Variants in RUNDC3B observed in about 807,000 individuals in gnomAD.
The protein encoded by RUNDC3B is RUN domain containing 3B.
RUNDC3B carries 33 observed loss-of-function variants against 58.4 expected under a neutral mutation model. The observed-to-expected ratio is 0.56, with a 90% CI of 0.43 to 0.75. The LOEUF (loss-of-function observed/expected upper bound fraction) is 0.75, where lower values mean the gene tolerates loss of function less well. Ranked by LOEUF, RUNDC3B falls within the 30% of genes least tolerant of loss-of-function variation. The pLI, the probability that RUNDC3B is intolerant of heterozygous loss-of-function variation, is 0.00. For missense variants in RUNDC3B, 501 were observed against 535.7 expected, an observed-to-expected ratio of 0.94 and a Z score of 0.64; for synonymous variants, 193 against 195.2, an observed-to-expected ratio of 0.99 and a Z score of 0.10.
chr7:87,689,605 T>C (rs28617521), intron 2 of RUNDC3B, among the ~76,000 whole-genome samples: 1 of 152,198 alleles, frequency 6.6e-6, no homozygotes, highest in African/African-American at 2.4e-5. Context: ...GCTAATCATC[T>C]AAAGAAAGTA....
At chr7:87,720,542 A>ATGTGTGTGTGTGTGTGTG (rs3028189) in intron 4 of RUNDC3B, among the ~76,000 whole-genome samples, 2 of 145,184 alleles carry the variant, frequency 1.4e-5, no homozygotes, top group Non-Finnish European at 3.0e-5. Context: ...GATAGGATAT[A>ATGTGTGTGTGTGTGTGTG]TGTGTGTGTG....
chr7:87,767,511 A>G (rs1433647259), intron 6 of RUNDC3B, among the ~76,000 whole-genome samples: 1 of 152,152 alleles, frequency 6.6e-6, no homozygotes, highest in Non-Finnish European at 1.5e-5. Context: ...GTAGCAATGT[A>G]TTGGTCATAT....
chr7:87,695,527 G>A (rs1483305968), intron 2 of RUNDC3B, among the ~76,000 whole-genome samples: 2 of 152,000 alleles, frequency 1.3e-5, no homozygotes, highest in African/African-American at 2.4e-5. Context: ...GGATTATCTT[G>A]TCTTTTGTTG....
At chr7:87,744,065 G>C (rs891310573) in intron 6 of RUNDC3B, among the ~76,000 whole-genome samples, 1 of 152,092 alleles carries the variant, frequency 6.6e-6, no homozygotes, top group Non-Finnish European at 1.5e-5. Flanking sequence ...TTGTTGAAAA[G>C]GGTGTCCTTT....
chr7:87,680,919 C>T (rs914721934), intron 2 of RUNDC3B, among the ~76,000 whole-genome samples: 3 of 150,088 alleles, frequency 2.0e-5, no homozygotes, highest in African/African-American at 7.4e-5. Context: ...AAAACAAAAA[C>T]AATAATTGGT....
At chr7:87,783,213 T>C (rs1056643001) in intron 8 of RUNDC3B, among the ~76,000 whole-genome samples, 1 of 151,904 alleles carries the variant, frequency 6.6e-6, no homozygotes, top group Non-Finnish European at 1.5e-5. Context: ...CAGTTAAGTC[T>C]TTTTGTTGTA....
chr7:87,730,732 C>A (rs1288987548), intron 4 of RUNDC3B, among the ~76,000 whole-genome samples: 3 of 151,896 alleles, frequency 2.0e-5, no homozygotes, highest in Non-Finnish European at 4.4e-5. Flanking sequence ...GGTAGCCAGG[C>A]AGTAGCCACC....
intron 10 of RUNDC3B, among the ~76,000 whole-genome samples, chr7:87,819,670 A>G (rs1837299956): frequency 6.6e-6 from 1 of 152,222 alleles, no homozygotes; most frequent in African/African-American, 2.4e-5. Context: ...AAAAGAACAG[A>G]AACTACAACA....
At chr7:87,771,320 A>G (rs1450321332) in intron 7 of RUNDC3B, among the ~76,000 whole-genome samples, 1 of 151,992 alleles carries the variant, frequency 6.6e-6, no homozygotes, top group African/African-American at 2.4e-5. Context: ...TCAAAAAATT[A>G]AAAATGCAGT....
chr7:87,742,755 A>G (rs1038206583), intron 6 of RUNDC3B, among the ~76,000 whole-genome samples: 6 of 152,162 alleles, frequency 3.9e-5, no homozygotes, highest in African/African-American at 1.4e-4. Flanking sequence ...AACTACAGAT[A>G]GTGTTAAGAA....
chr7:87,699,626 G>A (rs748919993), intron 2 of RUNDC3B, among the ~76,000 whole-genome samples: 9 of 152,144 alleles, frequency 5.9e-5, no homozygotes, highest in East Asian at 1.9e-4. Context: ...GGCTGGCCTC[G>A]AACTCCTGGC....
intron 6 of RUNDC3B, among the ~76,000 whole-genome samples, chr7:87,742,890 G>T (rs774714594): frequency 6.6e-6 from 1 of 152,036 alleles, no homozygotes; most frequent in South Asian, 2.1e-4. Context: ...GAGGTGGGCG[G>T]ATCACGAGGT....
intron 2 of RUNDC3B, chr7:87,659,298 T>G: frequency 2.7e-6 from 1 of 367,766 alleles, no homozygotes; most frequent in Non-Finnish European, 5.3e-6. Flanking sequence ...TTTCTCTGTT[T>G]TCTTTTTTCT....
chr7:87,727,009 A>G (rs911916683), intron 4 of RUNDC3B, among the ~76,000 whole-genome samples: 4 of 152,114 alleles, frequency 2.6e-5, no homozygotes, highest in African/African-American at 4.8e-5. Flanking sequence ...GGGTTTTCTA[A>G]ATATACAATC....
chr7:87,646,717 T>C (rs1823037584), intron 1 of RUNDC3B, among the ~76,000 whole-genome samples: 1 of 152,184 alleles, frequency 6.6e-6, no homozygotes, highest in South Asian at 2.1e-4. Context: ...CTGTACTTAT[T>C]ATTTCTTATT....
At chr7:87,714,063 C>A (rs893697930) in intron 4 of RUNDC3B, among the ~76,000 whole-genome samples, 5 of 152,008 alleles carry the variant, frequency 3.3e-5, no homozygotes, top group Non-Finnish European at 5.9e-5. Flanking sequence ...AATGAGTTGA[C>A]AAATACTTTT....
intron 1 of RUNDC3B, among the ~76,000 whole-genome samples, chr7:87,639,246 C>T (rs1164437679): frequency 2.7e-5 from 4 of 148,946 alleles, no homozygotes; most frequent in African/African-American, 9.9e-5. Context: ...CGAATGAATT[C>T]TGTTGTGCAG....
At chr7:87,737,877 A>G (rs1461937705) in intron 4 of RUNDC3B, among the ~76,000 whole-genome samples, 1 of 152,136 alleles carries the variant, frequency 6.6e-6, no homozygotes, top group Non-Finnish European at 1.5e-5. Flanking sequence ...CTAAAGTGAA[A>G]AACTCATTAA....
At chr7:87,791,826 A>T (rs1052758653) in intron 8 of RUNDC3B, among the ~76,000 whole-genome samples, 2 of 152,106 alleles carry the variant, frequency 1.3e-5, no homozygotes, top group African/African-American at 2.4e-5. Flanking sequence ...CCACAAAGCA[A>T]CCAGAAAACA....
Sources: gnomAD v4.1 joint callset for allele counts (sites outside exome capture counted in the v4.1 genomes callset) on GRCh38, gnomAD v4.1.1 for gene constraint, MANE v1.5 for transcripts, NCBI Gene and HGNC (gene_info 2026-07-23, HGNC 2026-07-21) for gene names.